Variants in KAT14 observed in about 807,000 individuals in gnomAD.
The protein encoded by KAT14 is cysteine-rich protein 2-binding protein.
A neutral mutation model predicts 78.4 loss-of-function variants in KAT14; 66 were observed. That is an observed-to-expected ratio of 0.84 (90% CI 0.69 to 1.03). The LOEUF (loss-of-function observed/expected upper bound fraction) is 1.03, where lower values mean the gene tolerates loss of function less well. Ranked by LOEUF, KAT14 falls within the 50% of genes least tolerant of loss-of-function variation. The pLI is 0.00. For synonymous variants in KAT14, 344 were observed against 359.4 expected (o/e 0.96, Z 0.48); for missense variants, 870 against 972.5 (o/e 0.89, Z 1.40).
Position 18,183,120 on chromosome 20 carries a change from G to T in KAT14, c.1806-3G>T. 6.2e-7 allele frequency: 1 copy of T among 1,603,076 alleles called. No individual in the cohort carries two copies. Among genetic ancestry groups the T allele is most frequent in the South Asian group, 1.1e-5 (1 of 89,420 alleles). ...AATTTGTTTATCTTCTGTGGTACCGGAGGCGTGATTATGAAACAAAGCCAC... is the reference window on the plus strand; with the variant it reads ...AATTTGTTTATCTTCTGTGGTACCGTAGGCGTGATTATGAAACAAAGCCAC... On this transcript the variant is annotated splice_region_variant and splice_polypyrimidine_tract_variant and intron_variant, in intron 8 of 10. Coordinates refer to ENST00000688188, the MANE Select transcript of KAT14 (RefSeq NM_001392073.1).
At chr20:18,161,104 G>T (rs2038403951) in intron 5 of KAT14, among the ~76,000 whole-genome samples, 1 of 150,824 alleles carries the variant, frequency 6.6e-6, no homozygotes, top group African/African-American at 2.4e-5. Flanking sequence ...AACCCGGGAG[G>T]CGGAGGTTGC....
chr20:18,167,875 A>G (rs2038699998), intron 7 of KAT14, among the ~76,000 whole-genome samples: 1 of 140,176 alleles, frequency 7.1e-6, no homozygotes, highest in Non-Finnish European at 1.6e-5. Flanking sequence ...TTTTAATATC[A>G]TGTGGTTGTC....
At chr20:18,159,557 AT>A (rs1464521296) in intron 5 of KAT14, among the ~76,000 whole-genome samples, 2 of 152,228 alleles carry the variant, frequency 1.3e-5, no homozygotes, top group Non-Finnish European at 2.9e-5. Flanking sequence ...GTGAAGAGAT[AT>A]TTTAAAATTC....
At chr20:18,161,043 G>A (rs566517711) in intron 5 of KAT14, among the ~76,000 whole-genome samples, 2 of 151,888 alleles carry the variant, frequency 1.3e-5, no homozygotes, top group Admixed American at 6.6e-5. Flanking sequence ...GCGTGATGGC[G>A]CATGCCTGTA....
chr20:18,186,022 A>G (rs549021739), intron 10 of KAT14, among the ~76,000 whole-genome samples: 2 of 152,258 alleles, frequency 1.3e-5, no homozygotes, highest in South Asian at 4.1e-4. Context: ...ATCTCTCAGT[A>G]TGCGTCTTTT....
intron 7 of KAT14, among the ~76,000 whole-genome samples, chr20:18,174,924 C>T (rs2038980070): frequency 6.6e-6 from 1 of 152,130 alleles, no homozygotes; most frequent in Non-Finnish European, 1.5e-5. Flanking sequence ...CTCGGCCTCC[C>T]AGAGTGTTGG....
At chr20:18,143,573 C>T (rs1162471902) in intron 2 of KAT14, among the ~76,000 whole-genome samples, 1 of 150,568 alleles carries the variant, frequency 6.6e-6, no homozygotes, top group African/African-American at 2.4e-5. Context: ...CCTCAGCCTC[C>T]CAAGTAGCTG....
At chr20:18,163,736 C>T (rs1363442238) in intron 7 of KAT14, among the ~76,000 whole-genome samples, 1 of 152,078 alleles carries the variant, frequency 6.6e-6, no homozygotes, top group Non-Finnish European at 1.5e-5. Context: ...CAGTGATGTG[C>T]CGTATGTAGG....
intron 7 of KAT14, among the ~76,000 whole-genome samples, chr20:18,173,989 TC>T (rs1332707450): frequency 6.6e-6 from 1 of 152,160 alleles, no homozygotes; most frequent in Non-Finnish European, 1.5e-5. Flanking sequence ...TACCCAAAAC[TC>T]CCTATTCCTA....
chr20:18,148,664 C>T (rs2037921433), intron 3 of KAT14, among the ~76,000 whole-genome samples: 1 of 150,712 alleles, frequency 6.6e-6, no homozygotes, highest in Non-Finnish European at 1.5e-5. Flanking sequence ...GGCTGGAGTG[C>T]AATGGCGCGA....
At chr20:18,161,135 C>G (rs2038405480) in intron 5 of KAT14, among the ~76,000 whole-genome samples, 1 of 151,762 alleles carries the variant, frequency 6.6e-6, no homozygotes, top group Admixed American at 6.6e-5. Context: ...GATCACACCA[C>G]TAACATTCCA....
At chr20:18,158,955 G>C (rs187720423) in intron 4 of KAT14, 129 bp from the exon 5 acceptor site, 1 of 1,151,942 alleles carries the variant, frequency 8.7e-7, no homozygotes, top group African/African-American at 1.6e-5. Context: ...CCTGCCTCTC[G>C]TGCTCTGCTC....
At chr20:18,170,207 C>T (rs1448410519) in intron 7 of KAT14, among the ~76,000 whole-genome samples, 1 of 152,184 alleles carries the variant, frequency 6.6e-6, no homozygotes, top group East Asian at 1.9e-4. Flanking sequence ...CTACACTAAG[C>T]AAGATGTTCA....
At chr20:18,150,181 T>G (rs1218854574) in intron 3 of KAT14, among the ~76,000 whole-genome samples, 2 of 152,184 alleles carry the variant, frequency 1.3e-5, no homozygotes, top group Non-Finnish European at 2.9e-5. Context: ...GAAAATGGGC[T>G]GAGTGGCTAG....
At chr20:18,182,758 C>G (rs919439543) in intron 8 of KAT14, among the ~76,000 whole-genome samples, 1 of 152,198 alleles carries the variant, frequency 6.6e-6, no homozygotes, top group African/African-American at 2.4e-5. Flanking sequence ...CATTGTGTCT[C>G]TGGTGTTCCC....
At chr20:18,146,492 T>C (rs1035636004) in intron 3 of KAT14, among the ~76,000 whole-genome samples, 5 of 151,888 alleles carry the variant, frequency 3.3e-5, no homozygotes, top group African/African-American at 1.2e-4. Flanking sequence ...AAACACCGTC[T>C]CTACTAAAAA....
intron 3 of KAT14, among the ~76,000 whole-genome samples, chr20:18,148,277 C>A (rs2037897521): frequency 6.6e-6 from 1 of 152,004 alleles, no homozygotes; most frequent in Non-Finnish European, 1.5e-5. Flanking sequence ...ATTAAAAAGC[C>A]CCTTCTTGCC....
At position 18,178,434 on chromosome 20, in the gene KAT14, G is replaced by A. The variant is rs150070340; in HGVS notation, c.1669-3276G>A. Among the ~76,000 whole-genome samples, 572 of 152,186 alleles carry A rather than the reference G, an allele frequency of 3.8e-3. 2 individuals carry two copies. The highest frequency in any genetic ancestry group is 0.013 in the African/African-American group (546 of 41,540). On this transcript the variant is annotated intron_variant, in intron 7 of 10. Transcript: ENST00000688188. ...TCATGCTGCTGATAAAGACATACCT[G>A]AGATTGGGAAGAAAAAGAGGTTTAA...
intron 4 of KAT14, among the ~76,000 whole-genome samples, chr20:18,153,793 A>T (rs1263944090): frequency 1.3e-5 from 2 of 152,228 alleles, no homozygotes; most frequent in Admixed American, 6.5e-5. Flanking sequence ...TGAAAAATAC[A>T]TTAATTTTAA....
Sources: allele counts gnomAD v4.1 joint callset (sites outside exome capture counted in the v4.1 genomes callset), GRCh38; gene constraint gnomAD v4.1.1; transcripts MANE v1.5; gene names NCBI Gene and HGNC (gene_info 2026-07-23, HGNC 2026-07-21).